The following JPH2 variants were observed in gnomAD, a reference collection of about 807,000 sequenced individuals.
JPH2 encodes the protein junctophilin 2.
Under a neutral mutation model 55.9 loss-of-function variants are expected in JPH2, and 38 were observed. The observed-to-expected ratio is 0.68, with a 90% CI of 0.52 to 0.89. The LOEUF (loss-of-function observed/expected upper bound fraction) is 0.89, where lower values mean the gene tolerates loss of function less well. Among genes scored for constraint, JPH2 ranks in the 40% least tolerant of loss-of-function variants. The pLI, the probability that JPH2 is intolerant of heterozygous loss-of-function variation, is 0.00. For missense variants in JPH2, 964 were observed against 1,037.6 expected, an observed-to-expected ratio of 0.93 and a Z score of 0.97; for synonymous variants, 480 against 472.4, an observed-to-expected ratio of 1.02 and a Z score of -0.21.
chr20:44,166,419 G>C (rs1041649659), intron 1 of JPH2, among the ~76,000 whole-genome samples: 1 of 152,238 alleles, frequency 6.6e-6, no homozygotes, highest in Non-Finnish European at 1.5e-5. Context: ...GGGAGAAAGA[G>C]ACAAGACATC....
In JPH2 at chr20:44,186,340, G is replaced by C. The variant is rs781585940; in HGVS notation, c.366C>G (p.Thr122=). Residue 122 remains threonine (T), a synonymous_variant, in exon 1 of 6, where the codon ACC becomes ACG. Coordinates refer to ENST00000372980, the MANE Select transcript of JPH2 (RefSeq NM_020433.5). The stretch of plus-strand genomic sequence containing the variant: ...AGCTGGCCTCACCTCCATCAGCATA[G>C]GTCTCGGTGCCATAGCCGTCTTGCA... The part of the protein sequence containing the change: ...NGLQDGYGTE[T]YADGGTYQGQ... 12 of 1,611,446 alleles carry C rather than the reference G, an allele frequency of 7.4e-6. No individual in the cohort carries two copies. In the South Asian group the frequency reaches 1.3e-4, roughly 18 times the overall value.
intron 4 of JPH2, 53 bp downstream of exon 4, chr20:44,115,612 C>A: frequency 6.2e-7 from 1 of 1,610,838 alleles, no homozygotes; most frequent in Non-Finnish European, 8.5e-7. Flanking sequence ...TCCCTCAAGC[C>A]CTGCTACCTC....
intron 1 of JPH2, among the ~76,000 whole-genome samples, chr20:44,173,428 C>G (rs1368877520): frequency 6.6e-6 from 1 of 152,096 alleles, no homozygotes; most frequent in African/African-American, 2.4e-5. Context: ...CATCCCCAAT[C>G]CAACCAATCA....
intron 2 of JPH2, among the ~76,000 whole-genome samples, chr20:44,157,750 G>A (rs1412913975): frequency 6.6e-6 from 1 of 152,162 alleles, no homozygotes; most frequent in Non-Finnish European, 1.5e-5. Context: ...CCACATCAAC[G>A]AGCTAAAAAA....
At chr20:44,117,594 G>C (rs1178215614) in intron 3 of JPH2, among the ~76,000 whole-genome samples, 2 of 152,156 alleles carry the variant, frequency 1.3e-5, no homozygotes, top group East Asian at 3.8e-4. Context: ...TTCATTCATG[G>C]GCTCCACCTG....
At chr20:44,180,450 G>A (rs2072772032) in intron 1 of JPH2, among the ~76,000 whole-genome samples, 1 of 151,922 alleles carries the variant, frequency 6.6e-6, no homozygotes, top group Non-Finnish European at 1.5e-5. Context: ...TCCCACCTTA[G>A]CCTCTCAAGT....
At chr20:44,153,121 A>C (rs1418152376) in intron 2 of JPH2, among the ~76,000 whole-genome samples, 2 of 152,250 alleles carry the variant, frequency 1.3e-5, no homozygotes, top group African/African-American at 4.8e-5. Flanking sequence ...TGGGAAGCAC[A>C]GTTGTAGGGA....
chr20:44,129,450 G>A (rs1201882611), intron 2 of JPH2, among the ~76,000 whole-genome samples: 2 of 150,786 alleles, frequency 1.3e-5, no homozygotes, highest in African/African-American at 4.9e-5. Context: ...AGCTACTAGA[G>A]AGGCTGAGAC....
intron 2 of JPH2, among the ~76,000 whole-genome samples, chr20:44,125,488 C>T (rs1170984462): frequency 2.6e-5 from 4 of 152,208 alleles, no homozygotes; most frequent in Non-Finnish European, 5.9e-5. Context: ...AGAAAGTGAA[C>T]CTGCCCAAGC....
rs2072119130 is a variant in JPH2, at chr20:44,108,172, G to C, written c.*5346C>G. 6.6e-6 allele frequency among the ~76,000 whole-genome samples: 1 copy of C among 152,108 alleles called. No homozygotes were observed. Among genetic ancestry groups the C allele is most frequent in the East Asian group, 1.9e-4 (1 of 5,190 alleles). ...AAGCACTGGTTAGCTTCCCTGGTTG[G>C]CCATACTTTGTCATACTGTTACTTA... On this transcript the variant is annotated 3_prime_UTR_variant, in exon 6 of 6. Transcript: ENST00000372980.
chr20:44,159,506 G>C lies in JPH2; in HGVS notation c.1169+112C>G, dbSNP rs1234500863. On this transcript the variant is annotated intron_variant, in intron 2 of 5. Transcript: ENST00000372980. The surrounding 1 kb of genome is among the most constrained non-coding windows in gnomAD (Gnocchi z 5.7). The stretch of plus-strand genomic sequence containing the variant: ...CTCCAATTAACCCCTGAAGGTGATG[G>C]GGGTAAAAGAAGCAGAATCAGGCTT... 2 of 1,124,710 alleles carry C rather than the reference G, an allele frequency of 1.8e-6. No individual in the cohort carries two copies. The highest frequency in any genetic ancestry group is 3.1e-5 in the African/African-American group (2 of 64,816). 69.7% of individuals were successfully genotyped at this position (1,124,710 alleles called of 1,614,324 possible).
chr20:44,135,182 C>A (rs1037959985), intron 2 of JPH2, among the ~76,000 whole-genome samples: 1 of 151,696 alleles, frequency 6.6e-6, no homozygotes, highest in Non-Finnish European at 1.5e-5. Flanking sequence ...CAGAAACCTT[C>A]CCCAGAGGCC....
At chr20:44,138,909 G>A (rs182185940) in intron 2 of JPH2, among the ~76,000 whole-genome samples, 8 of 152,192 alleles carry the variant, frequency 5.3e-5, no homozygotes, top group Admixed American at 1.3e-4. Flanking sequence ...GACACGGCGC[G>A]GCTCAGGAAG....
rs1479101626 is a variant in JPH2, at chr20:44,106,617, C to T, written c.*6901G>A. On this transcript the variant is annotated 3_prime_UTR_variant, in exon 6 of 6. Transcript: ENST00000372980. Reference sequence around the variant, plus strand: ...TATAAAAGAAAGGTTTAATGGGACTCACAGTTCCAAGTGGCTAGGGAAGCC... The same window carrying T: ...TATAAAAGAAAGGTTTAATGGGACTTACAGTTCCAAGTGGCTAGGGAAGCC... Among the ~76,000 whole-genome samples the T allele has an allele frequency of 6.6e-6, 1 of 152,092 alleles. No homozygotes were observed. Among genetic ancestry groups the T allele is most frequent in the African/African-American group, 2.4e-5 (1 of 41,400 alleles).
intron 3 of JPH2, among the ~76,000 whole-genome samples, chr20:44,117,094 C>T (rs950385132): frequency 1.3e-5 from 2 of 152,138 alleles, no homozygotes; most frequent in Non-Finnish European, 2.9e-5. Context: ...TCCTGGCCAA[C>T]ATAGTGAAAT....
intron 2 of JPH2, among the ~76,000 whole-genome samples, chr20:44,153,747 G>A (rs2072546969): frequency 6.6e-6 from 1 of 152,240 alleles, no homozygotes; most frequent in Non-Finnish European, 1.5e-5. Flanking sequence ...CCTGTGGCGT[G>A]TGTATATACC....
chr20:44,179,817 T>C (rs2072765552), intron 1 of JPH2, among the ~76,000 whole-genome samples: 1 of 152,224 alleles, frequency 6.6e-6, no homozygotes, highest in African/African-American at 2.4e-5. Context: ...TGCTTCTTAT[T>C]AGCTGGACGA....
Position 44,131,177 on chromosome 20 carries a change from C to T in JPH2, c.1170-12554G>A, listed in dbSNP as rs527909842. Among the ~76,000 whole-genome samples, 6 of 152,178 alleles carry T rather than the reference C, an allele frequency of 3.9e-5. No individual in the cohort carries two copies. In the East Asian group the frequency reaches 5.8e-4, roughly 15 times the overall value. On this transcript the variant is annotated intron_variant, in intron 2 of 5. Transcript: ENST00000372980. ...GTCATGGGATGTCACTTCCATGATTCGTTTAGACTGTGACTTCTCTCTTGC... is the reference window on the plus strand; with the variant it reads ...GTCATGGGATGTCACTTCCATGATTTGTTTAGACTGTGACTTCTCTCTTGC...
intron 2 of JPH2, among the ~76,000 whole-genome samples, chr20:44,134,905 T>C (rs28605104): frequency 0.38 from 32,193 of 84,514 alleles, 4,644 homozygotes; most frequent in East Asian, 0.51. Context: ...TATTTATATA[T>C]ATATATAAAA....
Sources: allele counts gnomAD v4.1 joint callset (sites outside exome capture counted in the v4.1 genomes callset), GRCh38; gene constraint gnomAD v4.1.1; non-coding constraint Gnocchi (gnomAD v3.1); transcripts MANE v1.5; gene names NCBI Gene and HGNC (gene_info 2026-07-23, HGNC 2026-07-21).